The following PI16 variants were observed in gnomAD, a reference collection of about 807,000 sequenced individuals.
The protein encoded by PI16 is PSP94-binding protein.
Under a neutral mutation model 38.0 loss-of-function variants are expected in PI16, and 35 were observed. The observed-to-expected ratio is 0.92, with a 90% CI of 0.70 to 1.22. The LOEUF (loss-of-function observed/expected upper bound fraction) is 1.22, where lower values mean the gene tolerates loss of function less well. Ranked by LOEUF, PI16 falls within the 50% of genes most tolerant of loss-of-function variation. The pLI is 0.00. For synonymous variants in PI16, 275 were observed against 252.9 expected (o/e 1.09, Z -0.83); for missense variants, 572 against 593.8 (o/e 0.96, Z 0.38).
intron 1 of PI16, among the ~76,000 whole-genome samples, chr6:36,957,547 T>TTGAA (rs1235189960): frequency 6.6e-6 from 1 of 152,298 alleles, no homozygotes; most frequent in Non-Finnish European, 1.5e-5. Context: ...CCCAGGACTG[T>TTGAA]TGAATGAATG....
chr6:36,961,851 C>T lies in PI16; in HGVS notation c.504-35C>T, dbSNP rs550659090. 1.6e-5 allele frequency: 25 copies of T among 1,546,254 alleles called. No homozygotes were observed. The South Asian group carries it at 2.7e-4, about 17-fold the overall frequency. ...TGGGGAGAGGGTTGGGAGGGGTCGA[C>T]CCCCTCCCCGCAGCATCCTCCTGAC... On this transcript the variant is annotated intron_variant, in intron 3 of 6. Transcript: ENST00000373674.
rs1292912149 is a variant in PI16 at position 36,962,676 on chromosome 6, T to C, written c.593-259T>C. On this transcript the variant is annotated intron_variant, in intron 4 of 6. Coordinates refer to ENST00000373674, the MANE Select transcript of PI16 (RefSeq NM_153370.3). The surrounding 1 kb of genome is among the most constrained non-coding windows in gnomAD (Gnocchi z 4.1). ...TTAGTAGAGATGGGGTTTCTCCATGTTGGTCAGGTTGGTCTCGAACTCCTG... is the reference window on the plus strand; with the variant it reads ...TTAGTAGAGATGGGGTTTCTCCATGCTGGTCAGGTTGGTCTCGAACTCCTG... Among the ~76,000 whole-genome samples, 1 of 152,196 alleles carries C rather than the reference T, an allele frequency of 6.6e-6. No individual in the cohort carries two copies. Among genetic ancestry groups the C allele is most frequent in the Non-Finnish European group, 1.5e-5 (1 of 68,040 alleles).
rs1442694917 is a variant in PI16 at position 36,963,601 on chromosome 6, C to T, written c.1259C>T (p.Ser420Leu). Residue 420 changes from serine to leucine, a missense_variant, in exon 5 of 7, where the codon TCG becomes TTG. Ser to Leu is a moderately radical substitution (Grantham distance 145). Transcript: ENST00000373674. ...ATGGRALALQ[S>L]SLPGAEGPDK... Reference sequence around the variant, plus strand: ...GGTGGGCGTGCCCTGGCTCTGCAGTCGTCCTTGCCAGGTAAGGCCCATAGC... The same window carrying T: ...GGTGGGCGTGCCCTGGCTCTGCAGTTGTCCTTGCCAGGTAAGGCCCATAGC... 8 of 1,613,480 alleles carry T rather than the reference C, an allele frequency of 5.0e-6. No homozygotes were observed. Among genetic ancestry groups the T allele is most frequent in the African/African-American group, 1.3e-5 (1 of 74,938 alleles).
intron 1 of PI16, among the ~76,000 whole-genome samples, chr6:36,958,292 C>T (rs1167944974): frequency 6.6e-6 from 1 of 152,246 alleles, no homozygotes; most frequent in East Asian, 1.9e-4. Context: ...CCAGGTTTCC[C>T]CTCCTCAATC....
chr6:36,949,609 C>A (rs779668216), intron 1 of PI16, among the ~76,000 whole-genome samples: 4 of 152,174 alleles, frequency 2.6e-5, no homozygotes, highest in African/African-American at 7.2e-5. Flanking sequence ...TCTCAAATAG[C>A]GTCCCTTTCT....
chr6:36,952,295 C>T (rs1450033863), upstream of PI16, among the ~76,000 whole-genome samples: 1 of 152,070 alleles, frequency 6.6e-6, no homozygotes, highest in Admixed American at 6.6e-5. Flanking sequence ...CACTCTGCCC[C>T]CGAAAGTTCT....
chr6:36,959,738 G>A (rs555155696), intron 2 of PI16, among the ~76,000 whole-genome samples: 1 of 152,044 alleles, frequency 6.6e-6, no homozygotes, highest in Non-Finnish European at 1.5e-5. Flanking sequence ...TTTGCTGGGC[G>A]CGGTGGCGCG....
At chr6:36,959,037 C>T (rs1763275850) in intron 1 of PI16, 108 bp from the exon 2 acceptor site, 1 of 988,430 alleles carries the variant, frequency 1.0e-6, no homozygotes, top group South Asian at 1.6e-5. Flanking sequence ...AAGAGTCACC[C>T]TGCTAAGGAG....
In PI16 at chr6:36,963,092, C is replaced by G. The variant is rs1455856283; in HGVS notation, c.750C>G (p.Gly250=). 6.2e-7 allele frequency: 1 copy of G among 1,614,232 alleles called. No homozygotes were observed. Among genetic ancestry groups the G allele is most frequent in the Non-Finnish European group, 8.5e-7 (1 of 1,180,042 alleles). Residue 250 remains glycine (G), a synonymous_variant, in exon 5 of 7, where the codon GGC becomes GGG. Transcript: ENST00000373674. Reference sequence around the variant, plus strand: ...CTTTCTTGGTAACAGAGGTCTCAGGCTCCCTGGCAACCAAGGCTCTGCCTG... The same window carrying G: ...CTTTCTTGGTAACAGAGGTCTCAGGGTCCCTGGCAACCAAGGCTCTGCCTG... ...IPAFLVTEVS[G]SLATKALPAV...
Position 36,963,198 on chromosome 6 carries a change from A to G in PI16, c.856A>G (p.Thr286Ala), listed in dbSNP as rs778723339. ...AACAGAGGCTCCACCTTGCGTAACA[A>G]CTGAGGTCCCTTCCATTTTGGCAGC... ...MATEAPPCVTTEVPSILAAHS... is the reference protein window; with the variant it reads ...MATEAPPCVTAEVPSILAAHS... Residue 286 changes from threonine (T) to alanine (A), a missense_variant, in exon 5 of 7, where the codon ACT becomes GCT. Transcript: ENST00000373674. 3 of 1,614,216 alleles carry G rather than the reference A, an allele frequency of 1.9e-6. No individual in the cohort carries two copies. Among genetic ancestry groups the G allele is most frequent in the South Asian group, 1.1e-5 (1 of 91,086 alleles).
intron 1 of PI16, among the ~76,000 whole-genome samples, chr6:36,955,263 G>A (rs1415124906): frequency 6.6e-6 from 1 of 152,204 alleles, no homozygotes. Context: ...ACTCCAATGA[G>A]CTTTCCCCAG....
chr6:36,956,028 G>T (rs180996883), intron 1 of PI16, among the ~76,000 whole-genome samples: 3 of 152,270 alleles, frequency 2.0e-5, no homozygotes, highest in East Asian at 3.9e-4. Flanking sequence ...TGAGCCTGGG[G>T]CCCCAAACCT....
upstream of PI16, among the ~76,000 whole-genome samples, chr6:36,949,896 T>A (rs924058351): frequency 3.4e-5 from 5 of 149,080 alleles, no homozygotes; most frequent in Non-Finnish European, 7.4e-5. Flanking sequence ...AGTTGGATAT[T>A]TTTTTTTTTT....
upstream of PI16, chr6:36,954,659 GCC>G: frequency 6.7e-7 from 1 of 1,493,472 alleles, no homozygotes. Flanking sequence ...CTCAAACACG[GCC>G]CCCACTGCCC....
At chr6:36,956,224 C>G (rs1470370987) in intron 1 of PI16, among the ~76,000 whole-genome samples, 1 of 152,202 alleles carries the variant, frequency 6.6e-6, no homozygotes, top group East Asian at 1.9e-4. Context: ...CCGTTCACAG[C>G]TGTGCCAGCC....
At position 36,962,009 on chromosome 6, in the gene PI16, T is replaced by C. The variant is rs1167401397; in HGVS notation, c.592+35T>C. 3.9e-6 allele frequency: 6 copies of C among 1,553,020 alleles called. No individual in the cohort carries two copies. Among genetic ancestry groups the C allele is most frequent in the Non-Finnish European group, 5.3e-6 (6 of 1,125,314 alleles). ...CGGGTGGATGGGTAGGGGCAGGGGGTGTGGAAATGATGCGATGCAGACTGG... is the reference window on the plus strand; with the variant it reads ...CGGGTGGATGGGTAGGGGCAGGGGGCGTGGAAATGATGCGATGCAGACTGG... On this transcript the variant is annotated intron_variant, in intron 4 of 6. Coordinates refer to ENST00000373674, the MANE Select transcript of PI16 (RefSeq NM_153370.3). The surrounding 1 kb of genome is among the most constrained non-coding windows in gnomAD (Gnocchi z 4.1).
chr6:36,950,352 T>C (rs535499345), upstream of PI16, among the ~76,000 whole-genome samples: 2 of 152,362 alleles, frequency 1.3e-5, no homozygotes, highest in Admixed American at 6.5e-5. The surrounding 1 kb of genome is among the most constrained non-coding windows in gnomAD (Gnocchi z 4.2). Context: ...AGTTCATCCA[T>C]GTTGTAATAT....
Position 36,962,294 on chromosome 6 carries a change from G to A in PI16, c.592+320G>A, listed in dbSNP as rs1226168298. The stretch of plus-strand genomic sequence containing the variant: ...GCGGGCTGGGGCCAGACCGGTGGGC[G>A]TGGTCAGAAGGCTTCAAACGGGCGA... On this transcript the variant is annotated intron_variant, in intron 4 of 6. Transcript: ENST00000373674. The surrounding 1 kb of genome is among the most constrained non-coding windows in gnomAD (Gnocchi z 4.1). 1.3e-5 allele frequency among the ~76,000 whole-genome samples: 2 copies of A among 152,202 alleles called. No homozygotes were observed. Among genetic ancestry groups the A allele is most frequent in the Non-Finnish European group, 2.9e-5 (2 of 68,036 alleles).
In PI16 at chr6:36,959,188, G is replaced by A. The variant is rs762101801; in HGVS notation, c.215G>A (p.Arg72Gln). 1.2e-6 allele frequency: 2 copies of A among 1,611,168 alleles called. No homozygotes were observed. Residue 72 changes from arginine to glutamine, a missense_variant, in exon 2 of 7, where the codon CGG becomes CAG. Transcript: ENST00000373674. ...GCCGCCTTCGCCAAGGCCTACGCAC[G>A]GCAGTGCGTGTGGGGCCACAACAAG... The part of the protein sequence containing the change: ...ELAAFAKAYA[R>Q]QCVWGHNKER...
Sources: gnomAD v4.1 joint callset for allele counts (sites outside exome capture counted in the v4.1 genomes callset) on GRCh38, gnomAD v4.1.1 for gene constraint, Gnocchi (gnomAD v3.1) non-coding constraint, MANE v1.5 for transcripts, NCBI Gene and HGNC (gene_info 2026-07-23, HGNC 2026-07-21) for gene names.